Variants in DOC2B observed in about 807,000 individuals in gnomAD.
DOC2B encodes double C2-like domain-containing protein beta.
Under a neutral mutation model 28.9 loss-of-function variants are expected in DOC2B, and 21 were observed. The ratio of observed to expected loss-of-function variants is 0.73; its 90% confidence interval spans 0.52 to 1.05. The LOEUF (loss-of-function observed/expected upper bound fraction) is 1.05, where lower values mean the gene tolerates loss of function less well. Among genes scored for constraint, DOC2B ranks in the 50% least tolerant of loss-of-function variants. The probability of loss-of-function intolerance (pLI) is 0.00; values close to 1 mark genes in which losing one functional copy is unlikely to be tolerated. For missense variants in DOC2B, 384 were observed against 421.1 expected, an observed-to-expected ratio of 0.91 and a Z score of 0.77; for synonymous variants, 194 against 178.1, an observed-to-expected ratio of 1.09 and a Z score of -0.71.
rs912903395 is a variant in DOC2B, at chr17:154,278, G to T, written c.923+1942C>A. On this transcript the variant is annotated intron_variant, in intron 6 of 8. Transcript: ENST00000613549. Reference sequence around the variant, plus strand: ...CACGCACCCGCTACACTCCTTCTTAGGGCTGATATTCCACGCACCTGCTAC... The same window carrying T: ...CACGCACCCGCTACACTCCTTCTTATGGCTGATATTCCACGCACCTGCTAC... 4.0e-5 allele frequency among the ~76,000 whole-genome samples: 6 copies of T among 148,180 alleles called. No homozygotes were observed. The East Asian group carries it at 1.2e-3, about 29-fold the overall frequency.
chr17:147,901 C>T (rs2040032938), intron 8 of DOC2B, among the ~76,000 whole-genome samples: 1 of 152,192 alleles, frequency 6.6e-6, no homozygotes, highest in Non-Finnish European at 1.5e-5. Context: ...TTTGGGGCCT[C>T]TAGGGCTCAG....
chr17:153,700 C>CAAAAAAAAAAAAAA (rs986649114), intron 6 of DOC2B, among the ~76,000 whole-genome samples: 1 of 138,180 alleles, frequency 7.2e-6, no homozygotes, highest in African/African-American at 2.6e-5. Flanking sequence ...GACTCTGTCT[C>CAAAAAAAAAAAAAA]AAAAAAAAAA....
intron 6 of DOC2B, among the ~76,000 whole-genome samples, chr17:149,725 C>G (rs890581256): frequency 2.0e-5 from 3 of 152,178 alleles, no homozygotes; most frequent in African/African-American, 4.8e-5. Context: ...AGGCTGGTCT[C>G]TAGCTCCTGA....
chr17:176,243 G>A (rs1026239805), intron 1 of DOC2B, among the ~76,000 whole-genome samples: 1 of 151,952 alleles, frequency 6.6e-6, no homozygotes, highest in African/African-American at 2.4e-5. Flanking sequence ...ACCCAGGCTG[G>A]AGTACAGTGG....
intron 6 of DOC2B, among the ~76,000 whole-genome samples, chr17:154,581 A>G (rs1175932242): frequency 6.6e-6 from 1 of 152,198 alleles, no homozygotes; most frequent in Non-Finnish European, 1.5e-5. Flanking sequence ...ACATTCCTGC[A>G]CAAGTTTTAG....
At chr17:148,806 C>T (rs9675205) in intron 7 of DOC2B, among the ~76,000 whole-genome samples, 4 of 152,102 alleles carry the variant, frequency 2.6e-5, no homozygotes, top group Non-Finnish European at 4.4e-5. Flanking sequence ...CAGGGTGTCT[C>T]GAGTCCCCTT....
At position 172,525 on chromosome 17, in the gene DOC2B, G is replaced by A. The variant is rs1366214576; in HGVS notation, c.453+12C>T. The A allele has an allele frequency of 3.2e-6, 5 of 1,549,954 alleles. No individual in the cohort carries two copies. The East Asian group carries it at 7.3e-5, about 23-fold the overall frequency. ...GGGGCAGGGAATTTGGGGGCAGGCT[G>A]GCGGGGCCTACCTTGGCCTTGGTGA... is the stretch of plus-strand genomic sequence containing the variant. On this transcript the variant is annotated intron_variant, in intron 2 of 8. Coordinates refer to ENST00000613549, the MANE Select transcript of DOC2B (RefSeq NM_003585.5).
At chr17:176,017 G>A (rs1481119966) in intron 1 of DOC2B, among the ~76,000 whole-genome samples, 1 of 152,208 alleles carries the variant, frequency 6.6e-6, no homozygotes, top group East Asian at 1.9e-4. Flanking sequence ...ACAGTTTTGA[G>A]AGGCTGGTGA....
intron 6 of DOC2B, among the ~76,000 whole-genome samples, chr17:149,899 G>C (rs1405932902): frequency 1.3e-5 from 2 of 152,218 alleles, no homozygotes; most frequent in Non-Finnish European, 2.9e-5. Flanking sequence ...GTAGCCTTTA[G>C]TAGACTCCCA....
At chr17:150,499 T>G (rs1253899284) in intron 6 of DOC2B, among the ~76,000 whole-genome samples, 1 of 64,832 alleles carries the variant, frequency 1.5e-5, no homozygotes, top group Non-Finnish European at 3.9e-5. Flanking sequence ...GCTGCATGGT[T>G]GACACACAGT....
intron 3 of DOC2B, among the ~76,000 whole-genome samples, chr17:162,586 A>G (rs187353099): frequency 1.3e-5 from 2 of 152,362 alleles, no homozygotes; most frequent in African/African-American, 4.8e-5. Flanking sequence ...GGGCTCCAGA[A>G]GGAATGCAGC....
intron 6 of DOC2B, among the ~76,000 whole-genome samples, 171 bp from the exon 7 acceptor site, chr17:149,363 GT>G (rs1456721761): frequency 2.2e-4 from 34 of 152,264 alleles, no homozygotes; most frequent in African/African-American, 8.2e-4. Context: ...GCGAGACGTT[GT>G]TTTCGAGAAG....
intron 2 of DOC2B, among the ~76,000 whole-genome samples, chr17:168,862 C>T (rs1384362289): frequency 3.3e-5 from 5 of 152,354 alleles, no homozygotes; most frequent in Non-Finnish European, 7.3e-5. Flanking sequence ...TTCTCAGCCA[C>T]GTGTAACGGC....
At chr17:154,755 T>C (rs920891699) in intron 6 of DOC2B, among the ~76,000 whole-genome samples, 1 of 152,042 alleles carries the variant, frequency 6.6e-6, no homozygotes, top group Non-Finnish European at 1.5e-5. Context: ...ATTTTGAGAG[T>C]GTCTCGCTCT....
In DOC2B at chr17:144,496, G is replaced by T. The variant is rs2040006323; in HGVS notation, c.*2945C>A. ...GCGGGTTTCGAACTCCTGACCTCAG[G>T]TGATCCGCCAGCCTCGGCCTCCCAA... On this transcript the variant is annotated 3_prime_UTR_variant, in exon 9 of 9. Transcript: ENST00000613549. The T allele has an allele frequency of 1.3e-5, 2 of 152,224 alleles. No homozygotes were observed. The highest frequency in any genetic ancestry group is 4.8e-5 in the African/African-American group (2 of 41,460). The allele number at this position is 152,224 out of a possible 1,614,324, so 9.4% of individuals were successfully genotyped here.
intron 2 of DOC2B, among the ~76,000 whole-genome samples, chr17:172,070 T>G (rs578233025): frequency 2.4e-4 from 36 of 152,166 alleles, no homozygotes; most frequent in African/African-American, 8.4e-4. Context: ...AGAGGGCCTC[T>G]GGGCTCAGGC....
Position 155,610 on chromosome 17 carries a change from C to T in DOC2B, c.923+610G>A, listed in dbSNP as rs758564523. On this transcript the variant is annotated intron_variant, in intron 6 of 8. Transcript: ENST00000613549. ...ACGGTAGTCACTGTGGCACCTGTAGCACCCTCTCCAAAGGGTCGCCAGCTC... is the reference window on the plus strand; with the variant it reads ...ACGGTAGTCACTGTGGCACCTGTAGTACCCTCTCCAAAGGGTCGCCAGCTC... Among the ~76,000 whole-genome samples the T allele has an allele frequency of 1.1e-3, 172 of 152,200 alleles. 2 individuals carry two copies. The highest frequency in any genetic ancestry group is 1.5e-3 in the Non-Finnish European group (100 of 68,028).
Position 148,226 on chromosome 17 carries a change from G to A in DOC2B, c.1049C>T (p.Ser350Phe), listed in dbSNP as rs1056961348. Residue 350 changes from serine to phenylalanine, a missense_variant, in exon 8 of 9, where the codon TCC becomes TTC. Coordinates refer to ENST00000613549, the MANE Select transcript of DOC2B (RefSeq NM_003585.5). ...GTAATCCCAAACGGTGACCTCCAGG[G>A]ACTTCTTGGCCAGGTCCCCATGCTT... ...EIKHGDLAKK[S>F]LEVTVWDYDI... is the part of the protein sequence containing the mutation. 130 of 398,612 alleles carry A rather than the reference G, an allele frequency of 3.3e-4. No individual in the cohort carries two copies. Among genetic ancestry groups the A allele is most frequent in the Middle Eastern group, 1.3e-3 (2 of 1,588 alleles). The allele number at this position is 398,612 out of a possible 1,614,324, so 24.7% of individuals were successfully genotyped here.
At chr17:163,866 G>T in intron 3 of DOC2B, 2 of 426,588 alleles carry the variant, frequency 4.7e-6, no homozygotes, top group African/African-American at 3.9e-5. Flanking sequence ...AAATTCTCCA[G>T]GGGTTTCCCC....
Sources: allele counts gnomAD v4.1 joint callset (sites outside exome capture counted in the v4.1 genomes callset), GRCh38; gene constraint gnomAD v4.1.1; transcripts MANE v1.5; gene names NCBI Gene and HGNC (gene_info 2026-07-23, HGNC 2026-07-21).